HMCN2: variants seen among roughly 807,000 people sequenced by gnomAD.
The protein encoded by HMCN2 is hemicentin-2.
A neutral mutation model predicts 377.5 loss-of-function variants in HMCN2; 325 were observed. The ratio of observed to expected loss-of-function variants is 0.86; its 90% CI spans 0.79 to 0.94. The LOEUF (loss-of-function observed/expected upper bound fraction) is 0.94, where lower values mean the gene tolerates loss of function less well. Among genes scored for constraint, HMCN2 ranks in the 40% least tolerant of loss-of-function variants. HMCN2 has a pLI of 0.00. For missense variants in HMCN2, 4,543 were observed against 4,725.3 expected, an observed-to-expected ratio of 0.96 and a Z score of 1.13; for synonymous variants, 2,007 against 2,046.8, an observed-to-expected ratio of 0.98 and a Z score of 0.53.
rs150947458 is a variant in HMCN2, at chr9:130,286,317, A to C, written c.612+7A>C. 4,121 of 470,826 alleles carry C rather than the reference A, an allele frequency of 8.8e-3. 35 individuals are homozygous for C. The highest frequency in any genetic ancestry group is 0.012 in the Middle Eastern group (36 of 3,054). 29.2% of individuals were successfully genotyped at this position (470,826 alleles called of 1,614,324 possible). A position where few individuals can be genotyped will look rare whatever the true frequency, so the allele number is the denominator to read the frequency against. On this transcript the variant is annotated splice_region_variant and intron_variant, in intron 4 of 97. Coordinates refer to ENST00000683500, the MANE Select transcript of HMCN2 (RefSeq NM_001291815.2). Reference sequence around the variant, plus strand: ...CAAGCAGCAAGTGACAGAGGTGAGCACTGGGAGGGGGCACCATCCCGGAGC... The same window carrying C: ...CAAGCAGCAAGTGACAGAGGTGAGCCCTGGGAGGGGGCACCATCCCGGAGC...
In HMCN2 at chr9:130,303,879, G is replaced by T. The variant is rs1836677260; in HGVS notation, c.1543+271G>T. Among the ~76,000 whole-genome samples, 3 of 152,290 alleles carry T rather than the reference G, an allele frequency of 2.0e-5. No homozygotes were observed. In the South Asian group the frequency reaches 6.2e-4, roughly 32 times the overall value. On this transcript the variant is annotated intron_variant, in intron 10 of 97. Coordinates refer to ENST00000683500, the MANE Select transcript of HMCN2 (RefSeq NM_001291815.2). This position sits in a 1 kb window ranked among gnomAD's most constrained non-coding sequence, Gnocchi z 5.2. ...TTGATCCCAACTCTGACTTCTCGGG[G>T]CTCGGCTTTCAGGGGCCGCCATCCA...
rs538100713 is a variant in HMCN2 at position 130,361,636 on chromosome 9, T to A, written c.5951-372T>A. ...AAGGGGACTGCCTGTAATATGGTAT[T>A]TCATCTCACACCCCTGAGTTAGGAA... On this transcript the variant is annotated intron_variant, in intron 38 of 97. Coordinates refer to ENST00000683500, the MANE Select transcript of HMCN2 (RefSeq NM_001291815.2). The surrounding 1 kb of genome is among the most constrained non-coding windows in gnomAD (Gnocchi z 4.8). 6.6e-6 allele frequency among the ~76,000 whole-genome samples: 1 copy of A among 152,308 alleles called. No homozygotes were observed. The highest frequency in any genetic ancestry group is 6.5e-5 in the Admixed American group (1 of 15,308).
chr9:130,266,001 C>T lies in HMCN2; in HGVS notation c.123C>T (p.Phe41=), dbSNP rs1554918782. The change falls in exon 1 of 98, where the codon TTC becomes TTT. Residue 41 remains phenylalanine (F), a synonymous_variant. Coordinates refer to ENST00000683500, the MANE Select transcript of HMCN2 (RefSeq NM_001291815.2). The part of the protein sequence containing the change: ...PPTTGDATLA[F]VFDVTGSMWD... ...CCACGGGGGACGCCACCCTGGCCTT[C>T]GTCTTCGACGTCACCGGCTCCATGT... 6 of 470,068 alleles carry T rather than the reference C, an allele frequency of 1.3e-5. No homozygotes were observed. Among genetic ancestry groups the T allele is most frequent in the South Asian group, 9.3e-5 (6 of 64,518 alleles). The allele number at this position is 470,068 out of a possible 1,614,324, so 29.1% of individuals were successfully genotyped here. A position where few individuals can be genotyped will look rare whatever the true frequency, so the allele number is the denominator to read the frequency against.
At position 130,265,991 on chromosome 9, in the gene HMCN2, C is replaced by T. The variant is rs1331990249; in HGVS notation, c.113C>T (p.Thr38Ile). ...ATGCCCCCCACCACGGGGGACGCCA[C>T]CCTGGCCTTCGTCTTCGACGTCACC... ...TVMPPTTGDATLAFVFDVTGS... is the reference protein window; with the variant it reads ...TVMPPTTGDAILAFVFDVTGS... The change falls in exon 1 of 98, where the codon ACC becomes ATC. Residue 38 changes from threonine to isoleucine, a missense_variant. By Grantham distance (89) the Thr-to-Ile change is moderately conservative. This residue lies in a region of HMCN2 where 547 missense variants were observed against 189.9 expected (regional missense o/e 2.88). Transcript: ENST00000683500. 2.1e-6 allele frequency: 1 copy of T among 469,760 alleles called. No homozygotes were observed. Among genetic ancestry groups the T allele is most frequent in the African/African-American group, 2.0e-5 (1 of 49,916 alleles). The allele number at this position is 469,760 out of a possible 1,614,324, so 29.1% of individuals were successfully genotyped here.
rs781844189 is a variant in HMCN2 at position 130,304,448 on chromosome 9, G to A, written c.1544-282G>A. On this transcript the variant is annotated intron_variant, in intron 10 of 97. Transcript: ENST00000683500. The surrounding 1 kb of genome is among the most constrained non-coding windows in gnomAD (Gnocchi z 4.3). ...CTCGGAGGCATGAAGATGGGTGTCC[G>A]GCTTGTTGCACATTGCACTGGCTGT... is the stretch of plus-strand genomic sequence containing the variant. Among the ~76,000 whole-genome samples, 2 of 152,190 alleles carry A rather than the reference G, an allele frequency of 1.3e-5. No individual in the cohort carries two copies. Among genetic ancestry groups the A allele is most frequent in the African/African-American group, 4.8e-5 (2 of 41,428 alleles).
chr9:130,391,695 T>G, intron 65 of HMCN2, 121 bp downstream of exon 65: 2 of 867,838 alleles, frequency 2.3e-6, no homozygotes, highest in Non-Finnish European at 2.8e-6. Context: ...TGGGCCTCCA[T>G]GGCCCATCCT....
chr9:130,307,563 C>A lies in HMCN2; in HGVS notation c.2197C>A (p.Arg733=), dbSNP rs1343912901. Residue 733 remains arginine, a synonymous_variant, in exon 14 of 98, where the codon CGA becomes AGA. Transcript: ENST00000683500. The stretch of plus-strand genomic sequence containing the variant: ...TCCCCCGCCCCGAGTCATCTGGTAT[C>A]GAGGTGTGTTGGTGGGGAGGGGCCC... ...GVPPPRVIWY[R]GGLEMILAPE... is the part of the protein sequence containing the mutation. The A allele has an allele frequency of 2.1e-6, 1 of 471,066 alleles. No individual in the cohort carries two copies. Among genetic ancestry groups the A allele is most frequent in the Non-Finnish European group, 4.4e-6 (1 of 227,038 alleles). The allele number at this position is 471,066 out of a possible 1,614,324, so 29.2% of individuals were successfully genotyped here.
intron 60 of HMCN2, 48 bp downstream of exon 60, chr9:130,385,810 C>T (rs753982499): frequency 2.0e-4 from 254 of 1,248,622 alleles, no homozygotes; most frequent in African/African-American, 1.5e-3. Context: ...GCAGGAAAGT[C>T]GCCTCCCAGC....
rs139794898 is a variant in HMCN2 at position 130,292,956 on chromosome 9, CTCTATCTATCTATCTA to C, written c.613-1870_613-1855del. 5.5e-5 allele frequency among the ~76,000 whole-genome samples: 8 copies of C among 144,674 alleles called. No homozygotes were observed. The East Asian group carries it at 8.2e-4, about 15-fold the overall frequency. The allele number at this position is 144,674 out of a possible 152,430, so 94.9% of individuals were successfully genotyped here. A position where few individuals can be genotyped will look rare whatever the true frequency, so the allele number is the denominator to read the frequency against. On this transcript the variant is annotated intron_variant, in intron 4 of 97. Transcript: ENST00000683500. ...GCCATCATTGCTTCTGGATCAATTG[CTCTATCTATCTATCTA>C]TCTATCTATCTATCTATCTATCTAT...
chr9:130,416,385 G>A (rs1361592045), intron 85 of HMCN2, among the ~76,000 whole-genome samples: 3 of 152,136 alleles, frequency 2.0e-5, no homozygotes, highest in African/African-American at 4.8e-5. Flanking sequence ...GCTTACAGGC[G>A]TGAGTCACTG....
rs547665808 is a variant in HMCN2 at position 130,390,985 on chromosome 9, G to A, written c.9532G>A (p.Ala3178Thr). ...ACCCCTCTGTCCCACAGAGAGCAGC[G>A]CGGTGCACGGTGTGGTCTCCCGGGG... is the stretch of plus-strand genomic sequence containing the variant. ...LKDRMPVESS[A>T]VHGVVSRGGR... Residue 3178 changes from alanine to threonine, a missense_variant, in exon 63 of 98, where the codon GCG becomes ACG. Physicochemically the swap from Ala to Thr is moderately conservative, Grantham distance 58. Coordinates refer to ENST00000683500, the MANE Select transcript of HMCN2 (RefSeq NM_001291815.2). The A allele has an allele frequency of 8.1e-6, 8 of 987,126 alleles. No homozygotes were observed. Among genetic ancestry groups the A allele is most frequent in the East Asian group, 1.1e-4 (1 of 8,820 alleles). 61.1% of individuals were successfully genotyped at this position (987,126 alleles called of 1,614,324 possible).
chr9:130,294,046 G>A (rs1225695053), intron 4 of HMCN2, among the ~76,000 whole-genome samples: 1 of 152,140 alleles, frequency 6.6e-6, no homozygotes, highest in Admixed American at 6.5e-5. Flanking sequence ...GTGACCTTGG[G>A]TTGGCATAGG....
chr9:130,319,947 T>C (rs907843407), intron 16 of HMCN2, among the ~76,000 whole-genome samples: 9 of 152,188 alleles, frequency 5.9e-5, no homozygotes, highest in African/African-American at 2.2e-4. Context: ...GGGGCTGTTG[T>C]GTGGATAATC....
At chr9:130,363,989 AAAGG>A (rs924209005) in intron 40 of HMCN2, among the ~76,000 whole-genome samples, 40 of 151,744 alleles carry the variant, frequency 2.6e-4, no homozygotes, top group Middle Eastern at 3.4e-3. Context: ...AAAGAAAGAG[AAAGG>A]AAGGAAGGAA....
intron 40 of HMCN2, 45 bp from the exon 41 acceptor site, chr9:130,364,669 C>T: frequency 1.0e-6 from 1 of 961,802 alleles, no homozygotes; most frequent in Non-Finnish European, 1.2e-6. Flanking sequence ...CTTGCCAGCC[C>T]CACCCATGTG....
rs1346737372 is a variant in HMCN2 at position 130,353,049 on chromosome 9, G to C, written c.4708G>C (p.Gly1570Arg). 4 of 1,304,064 alleles carry C rather than the reference G, an allele frequency of 3.1e-6. No individual in the cohort carries two copies. Among genetic ancestry groups the C allele is most frequent in the Admixed American group, 2.3e-5 (1 of 43,534 alleles). 80.8% of individuals were successfully genotyped at this position (1,304,064 alleles called of 1,614,324 possible). A position where few individuals can be genotyped will look rare whatever the true frequency, so the allele number is the denominator to read the frequency against. The change falls in exon 31 of 98, where the codon GGG becomes CGG. Residue 1570 changes from glycine (G) to arginine (R), a missense_variant. Gly to Arg is a moderately radical substitution (Grantham distance 125, BLOSUM62 -2). This residue lies in a region of HMCN2 where 1,032 missense variants were observed against 1,285.1 expected (regional missense o/e 0.80). Transcript: ENST00000683500. ...CCCAAACATCACCTGGTTCAAGGACGGGGCCCTGCTCCCCACCAGCACCAA... is the reference window on the plus strand; with the variant it reads ...CCCAAACATCACCTGGTTCAAGGACCGGGCCCTGCTCCCCACCAGCACCAA... ...PTPNITWFKD[G>R]ALLPTSTKVV...
chr9:130,365,798 T>TC (rs1410373605), intron 42 of HMCN2, 71 bp downstream of exon 42: 47 of 981,226 alleles, frequency 4.8e-5, no homozygotes, highest in Non-Finnish European at 5.6e-5. Flanking sequence ...ACAGCCCTCC[T>TC]CCAGCCTGCC....
intron 22 of HMCN2, among the ~76,000 whole-genome samples, chr9:130,328,005 G>A (rs1332327310): frequency 6.6e-6 from 1 of 152,206 alleles, no homozygotes; most frequent in Non-Finnish European, 1.5e-5. Flanking sequence ...CCCCCCAGGA[G>A]GGGATGTGGG....
intron 90 of HMCN2, 72 bp downstream of exon 90, chr9:130,425,996 G>A (rs1844333856): frequency 8.7e-7 from 1 of 1,153,184 alleles, no homozygotes; most frequent in Admixed American, 2.1e-5. Flanking sequence ...AATGCACGTG[G>A]CTGGAATCCA....
Sources: gnomAD v4.1 joint callset for allele counts (sites outside exome capture counted in the v4.1 genomes callset) on GRCh38, gnomAD v4.1.1 for gene constraint, gnomAD v4.1.1 regional missense constraint, Gnocchi (gnomAD v3.1) non-coding constraint, MANE v1.5 for transcripts, NCBI Gene and HGNC (gene_info 2026-07-23, HGNC 2026-07-21) for gene names.